USP28: variants seen among roughly 807,000 people sequenced by gnomAD.
The protein encoded by USP28 is ubiquitin carboxyl-terminal hydrolase 28.
Under a neutral mutation model 145.0 loss-of-function variants are expected in USP28, and 113 were observed. That is an observed-to-expected ratio of 0.78 (90% CI 0.67 to 0.91). The LOEUF (loss-of-function observed/expected upper bound fraction) is 0.91, where lower values mean the gene tolerates loss of function less well. Among genes scored for constraint, USP28 ranks in the 40% least tolerant of loss-of-function variants. The pLI, the probability that USP28 is intolerant of heterozygous loss-of-function variation, is 0.00. For synonymous variants in USP28, 447 were observed against 450.9 expected, an observed-to-expected ratio of 0.99 and a Z score of 0.11; for missense variants, 1,201 against 1,289.6, an observed-to-expected ratio of 0.93 and a Z score of 1.05.
At chr11:113,816,561 A>ACT (rs1367684876) in intron 13 of USP28, among the ~76,000 whole-genome samples, 1 of 151,594 alleles carries the variant, frequency 6.6e-6, no homozygotes, top group African/African-American at 2.4e-5. Context: ...CCTCCTCCTC[A>ACT]CTCTCTCACA....
chr11:113,857,914 G>C (rs1315571398), intron 1 of USP28, among the ~76,000 whole-genome samples: 1 of 151,980 alleles, frequency 6.6e-6, no homozygotes, highest in Non-Finnish European at 1.5e-5. Flanking sequence ...AGACTGGAGT[G>C]CAATAGCATG....
intron 24 of USP28, among the ~76,000 whole-genome samples, chr11:113,801,080 G>A (rs1167345447): frequency 6.6e-6 from 1 of 152,206 alleles, no homozygotes. Context: ...CTGGCCTCAG[G>A]TGATCTGCCC....
chr11:113,866,384 G>A (rs1386436822), intron 1 of USP28, among the ~76,000 whole-genome samples: 1 of 152,152 alleles, frequency 6.6e-6, no homozygotes, highest in Non-Finnish European at 1.5e-5. Context: ...TCATTTATCT[G>A]GTAAGAGTCT....
chr11:113,835,130 G>C (rs1944427099), intron 5 of USP28: 2 of 380,236 alleles, frequency 5.3e-6, no homozygotes, highest in Non-Finnish European at 1.0e-5. Flanking sequence ...TTTTTTAAAA[G>C]TTTAACAGCA....
At chr11:113,835,516 G>A (rs1243646493) in intron 5 of USP28, among the ~76,000 whole-genome samples, 1 of 152,226 alleles carries the variant, frequency 6.6e-6, no homozygotes, top group Non-Finnish European at 1.5e-5. Context: ...AGCCAACAGG[G>A]TGAGTGTTCA....
intron 13 of USP28, among the ~76,000 whole-genome samples, chr11:113,815,969 A>G (rs1423158815): frequency 2.0e-5 from 3 of 152,232 alleles, no homozygotes; most frequent in Non-Finnish European, 2.9e-5. Flanking sequence ...TAGCTCTACT[A>G]CTTTAGCTAA....
chr11:113,834,240 C>T lies in USP28; in HGVS notation c.621+9G>A, dbSNP rs142264958. ...ACAACAGTGAAGAAATTCCTTGACACCAACTTACTGTATGACTTCGACAAT... is the reference window on the plus strand; with the variant it reads ...ACAACAGTGAAGAAATTCCTTGACATCAACTTACTGTATGACTTCGACAAT... On this transcript the variant is annotated intron_variant, in intron 6 of 24. Transcript: ENST00000003302. 51 of 1,602,592 alleles carry T rather than the reference C, an allele frequency of 3.2e-5. 1 individual carries two copies. In the African/African-American group the frequency reaches 6.3e-4, roughly 20 times the overall value.
exon 25 of USP28, chr11:113,798,066 G>GTTCTTTTT (rs1938246517): frequency 1.1e-5 from 1 of 91,236 alleles, no homozygotes; most frequent in Non-Finnish European, 2.0e-5. Flanking sequence ...ATGTATGCTG[G>GTTCTTTTT]TTTTTTTTTT....
At position 113,841,786 on chromosome 11, in the gene USP28, A is replaced by G. The variant is rs1409781111; in HGVS notation, c.269-18T>C. 2 of 1,552,996 alleles carry G rather than the reference A, an allele frequency of 1.3e-6. No individual in the cohort carries two copies. The highest frequency in any genetic ancestry group is 1.4e-5 in the African/African-American group (1 of 71,938). On this transcript the variant is annotated intron_variant, in intron 3 of 24. Coordinates refer to ENST00000003302, the Ensembl canonical transcript of USP28. ...TATAACTTCTGTAAGATAAACAGAA[A>G]TTTAATTAGTCTATATATAGGAAAC...
intron 11 of USP28, among the ~76,000 whole-genome samples, chr11:113,826,478 T>G (rs1317975749): frequency 6.8e-6 from 1 of 147,062 alleles, no homozygotes; most frequent in Non-Finnish European, 1.5e-5. Flanking sequence ...CCCAGCTAAT[T>G]TTTTTTTTTT....
chr11:113,847,902 G>A (rs1361938091), intron 3 of USP28, among the ~76,000 whole-genome samples: 3 of 152,150 alleles, frequency 2.0e-5, no homozygotes, highest in African/African-American at 7.2e-5. Context: ...CATACAACAT[G>A]ACTGTAGCAA....
intron 18 of USP28, 149 bp downstream of exon 19, chr11:113,807,802 T>C (rs1194406101): frequency 1.4e-5 from 5 of 359,668 alleles, no homozygotes; most frequent in Non-Finnish European, 1.9e-5. Context: ...TAAATAATGG[T>C]AACTAAGGTC....
chr11:113,826,306 GA>G (rs1319642008), intron 11 of USP28, among the ~76,000 whole-genome samples: 3 of 107,340 alleles, frequency 2.8e-5, no homozygotes, highest in African/African-American at 1.0e-4. Flanking sequence ...AAGAAAGAAA[GA>G]AAAGAAAAGA....
chr11:113,831,891 G>A, intron 8 of USP28, 29 bp downstream of exon 8: 2 of 1,604,024 alleles, frequency 1.2e-6, no homozygotes, highest in Non-Finnish European at 1.7e-6. Flanking sequence ...TGAGTCGGAA[G>A]GATGTACAAA....
chr11:113,851,437 C>G (rs1946430472), intron 3 of USP28, among the ~76,000 whole-genome samples: 1 of 152,136 alleles, frequency 6.6e-6, no homozygotes, highest in Non-Finnish European at 1.5e-5. Flanking sequence ...CCTGAGCAAG[C>G]CAAGGTGCAC....
intron 5 of USP28, among the ~76,000 whole-genome samples, chr11:113,834,898 G>A (rs1031838105): frequency 1.3e-5 from 2 of 152,006 alleles, no homozygotes; most frequent in Non-Finnish European, 2.9e-5. Context: ...GTGAAAAAAA[G>A]TTACAGAAAA....
chr11:113,822,919 A>T (rs970463186), intron 12 of USP28, among the ~76,000 whole-genome samples: 1 of 152,164 alleles, frequency 6.6e-6, no homozygotes, highest in African/African-American at 2.4e-5. Flanking sequence ...TGGCCTAATA[A>T]GGGAGTAGGT....
In USP28 at chr11:113,817,771, T is replaced by A. The variant is rs776898061; in HGVS notation, c.1350A>T (p.Glu450Asp). The change falls in exon 13 of 25, where the codon GAA becomes GAT. Residue 450 changes from glutamate to aspartate, a missense_variant. Physicochemically the swap from Glu to Asp is conservative, Grantham distance 45. Transcript: ENST00000003302. ...CTGAGGCAGGTTTTGTACTAGCAAA[T>A]TCAATAACATATTTCAGCATGTCCG... is the stretch of plus-strand genomic sequence containing the variant. 3.7e-6 allele frequency: 6 copies of A among 1,614,168 alleles called. No homozygotes were observed. Among genetic ancestry groups the A allele is most frequent in the Non-Finnish European group, 5.1e-6 (6 of 1,180,016 alleles).
intron 1 of USP28, among the ~76,000 whole-genome samples, chr11:113,865,496 C>A (rs1451463442): frequency 2.0e-5 from 3 of 152,154 alleles, no homozygotes; most frequent in Non-Finnish European, 4.4e-5. Context: ...GGCATAAGGA[C>A]AGATATATAG....
Sources: gnomAD v4.1 joint callset for allele counts (sites outside exome capture counted in the v4.1 genomes callset) on GRCh38, gnomAD v4.1.1 for gene constraint, MANE v1.5 for transcripts, NCBI Gene and HGNC (gene_info 2026-07-23, HGNC 2026-07-21) for gene names.